Variants in PLXNA4 observed in about 807,000 individuals in gnomAD.
PLXNA4 encodes plexin A4, also known as plexin-A4.
In PLXNA4, 44 loss-of-function variants were observed where a neutral mutation model predicts 191.8. The observed-to-expected ratio is 0.23, with a 90% confidence interval of 0.18 to 0.29. The LOEUF is 0.29. Ranked by LOEUF, PLXNA4 falls within the 10% of genes least tolerant of loss-of-function variation. The pLI, the probability that PLXNA4 is intolerant of heterozygous loss-of-function variation, is 1.00. For missense variants in PLXNA4, 1,800 were observed against 2,488.8 expected, an observed-to-expected ratio of 0.72 and a Z score of 5.89; for synonymous variants, 1,082 against 1,009.5, an observed-to-expected ratio of 1.07 and a Z score of -1.36.
At chr7:132,569,467 A>G (rs917987366) in intron 1 of PLXNA4, among the ~76,000 whole-genome samples, 1 of 152,254 alleles carries the variant, frequency 6.6e-6, no homozygotes, top group Non-Finnish European at 1.5e-5. Flanking sequence ...TGACAAGAAT[A>G]GTCCTGCTTG....
chr7:132,381,657 G>C lies in PLXNA4; in HGVS notation c.1372-83435C>G, dbSNP rs559915537. ...CAAAGAATTTACACCCCTAGCCCGT[G>C]TTCTACTTCACATACACTCACACAT... On this transcript the variant is annotated intron_variant, in intron 3 of 31. Transcript: ENST00000321063. 2.0e-5 allele frequency among the ~76,000 whole-genome samples: 3 copies of C among 152,344 alleles called. No individual in the cohort carries two copies. In the South Asian group the frequency reaches 6.2e-4, roughly 32 times the overall value.
At chr7:132,252,270 AC>A (rs1296588405) in intron 4 of PLXNA4, among the ~76,000 whole-genome samples, 17 of 150,674 alleles carry the variant, frequency 1.1e-4, no homozygotes, top group Admixed American at 2.6e-4. Context: ...ATATGAAAGG[AC>A]AATTGTTAAA....
intron 1 of PLXNA4, among the ~76,000 whole-genome samples, chr7:132,648,326 T>A (rs1803925392): frequency 6.6e-6 from 1 of 152,176 alleles, no homozygotes; most frequent in African/African-American, 2.4e-5. Flanking sequence ...CTTCCCTTTT[T>A]CCAACTCTTA....
intron 2 of PLXNA4, among the ~76,000 whole-genome samples, chr7:132,619,259 C>G (rs1214294494): frequency 6.6e-6 from 1 of 152,050 alleles, no homozygotes; most frequent in Non-Finnish European, 1.5e-5. Context: ...TGGCTAGCCC[C>G]CAAGAGATAT....
intron 3 of PLXNA4, among the ~76,000 whole-genome samples, chr7:132,488,679 C>T (rs1029076785): frequency 1.3e-5 from 2 of 152,164 alleles, no homozygotes; most frequent in East Asian, 1.9e-4. Context: ...GAGCCAAGAT[C>T]GCCCAGGACT....
intron 3 of PLXNA4, among the ~76,000 whole-genome samples, chr7:132,315,410 C>T (rs1297590937): frequency 6.6e-6 from 1 of 152,174 alleles, no homozygotes. Flanking sequence ...TTAATTCACA[C>T]CACACATAGT....
chr7:132,269,079 C>T (rs116102576), intron 4 of PLXNA4, among the ~76,000 whole-genome samples: 1,918 of 152,196 alleles, frequency 0.013, 34 homozygotes, highest in African/African-American at 0.044. Flanking sequence ...ATGCGTCCTC[C>T]CCCACCTCTG....
intron 3 of PLXNA4, among the ~76,000 whole-genome samples, chr7:132,432,030 C>G (rs1203130606): frequency 2.0e-5 from 3 of 152,114 alleles, no homozygotes; most frequent in Non-Finnish European, 4.4e-5. Flanking sequence ...CATGAGCTCT[C>G]CCCCACACCT....
At chr7:132,589,605 T>C (rs1802568886) in intron 2 of PLXNA4, among the ~76,000 whole-genome samples, 1 of 152,164 alleles carries the variant, frequency 6.6e-6, no homozygotes, top group East Asian at 1.9e-4. Context: ...CATTCTTTCT[T>C]TTATTCATTT....
intron 2 of PLXNA4, among the ~76,000 whole-genome samples, chr7:132,605,581 G>A (rs1266505068): frequency 6.6e-6 from 1 of 152,140 alleles, no homozygotes; most frequent in Non-Finnish European, 1.5e-5. Flanking sequence ...AGAAAGCCAG[G>A]CAGAGTTGGA....
intron 14 of PLXNA4, among the ~76,000 whole-genome samples, chr7:132,192,375 A>G (rs1348574124): frequency 2.0e-5 from 3 of 152,134 alleles, no homozygotes; most frequent in South Asian, 4.1e-4. Context: ...CAAGGTGATC[A>G]ATGGCTGTCA....
chr7:132,637,603 C>T (rs1046634626), intron 2 of PLXNA4, among the ~76,000 whole-genome samples: 1 of 152,248 alleles, frequency 6.6e-6, no homozygotes, highest in Admixed American at 6.5e-5. Context: ...TGAAAGAAGC[C>T]ATGCTTGTCT....
At chr7:132,157,516 C>A (rs1235919796) in intron 25 of PLXNA4, among the ~76,000 whole-genome samples, 1 of 152,192 alleles carries the variant, frequency 6.6e-6, no homozygotes, top group Non-Finnish European at 1.5e-5. Flanking sequence ...GGGAAATCAC[C>A]TATTCTTAAG....
chr7:132,506,126 G>T (rs1798455250), intron 2 of PLXNA4, among the ~76,000 whole-genome samples: 1 of 152,052 alleles, frequency 6.6e-6, no homozygotes, highest in South Asian at 2.1e-4. Flanking sequence ...CTGGCCCAGT[G>T]CCTGGAAGAC....
exon 1 of PLXNA4, chr7:132,648,593 T>C (rs1803930783): frequency 6.6e-6 from 1 of 152,152 alleles, no homozygotes; most frequent in African/African-American, 2.4e-5. Context: ...AGAGGGGAAA[T>C]ACTGGTCTGA....
At chr7:132,596,865 G>GAAA (rs3067229) in intron 2 of PLXNA4, among the ~76,000 whole-genome samples, 1,525 of 144,390 alleles carry the variant, frequency 0.011, 18 homozygotes, top group African/African-American at 0.021. Flanking sequence ...CCATGGTCCT[G>GAAA]AAAAAAAAAA....
chr7:132,334,252 C>CTTTCTTTTTTTTTTTTTT (rs1554417000), intron 3 of PLXNA4, among the ~76,000 whole-genome samples: 1 of 75,608 alleles, frequency 1.3e-5, no homozygotes, highest in African/African-American at 6.1e-5. Flanking sequence ...TTCTTTCTTT[C>CTTTCTTTTTTTTTTTTTT]TTTTTTTTTT....
In PLXNA4 at chr7:132,237,876, C is replaced by T. The variant is rs553857453; in HGVS notation, c.1604+3190G>A. ...TGACAAAAATCGGTACCCGTGGACACGTACAGGGCAGTGAAAAATTTGAGT... is the reference window on the plus strand; with the variant it reads ...TGACAAAAATCGGTACCCGTGGACATGTACAGGGCAGTGAAAAATTTGAGT... On this transcript the variant is annotated intron_variant, in intron 5 of 31. Transcript: ENST00000321063. Among the ~76,000 whole-genome samples, 15 of 152,306 alleles carry T rather than the reference C, an allele frequency of 9.8e-5. No individual in the cohort carries two copies. In the South Asian group the frequency reaches 1.2e-3, roughly 13 times the overall value.
At chr7:132,483,816 G>A (rs954266368) in intron 3 of PLXNA4, among the ~76,000 whole-genome samples, 1 of 152,220 alleles carries the variant, frequency 6.6e-6, no homozygotes, top group Non-Finnish European at 1.5e-5. Flanking sequence ...AATGACAAGT[G>A]TTCCTGAGAA....
Sources: allele counts gnomAD v4.1 joint callset (sites outside exome capture counted in the v4.1 genomes callset), GRCh38; gene constraint gnomAD v4.1.1; transcripts MANE v1.5; gene names NCBI Gene and HGNC (gene_info 2026-07-23, HGNC 2026-07-21).